TMEM132D: variants seen among roughly 807,000 people sequenced by gnomAD.
TMEM132D encodes the protein mature OL transmembrane protein.
A neutral mutation model predicts 62.3 loss-of-function variants in TMEM132D; 21 were observed. That is an observed-to-expected ratio of 0.34 (90% CI 0.24 to 0.49). TMEM132D has a LOEUF of 0.49. TMEM132D is among the 20% of genes least tolerant of loss of function. TMEM132D has a pLI of 0.99. For synonymous variants in TMEM132D, 621 were observed against 575.6 expected (o/e 1.08, Z -1.13); for missense variants, 1,346 against 1,402.8 (o/e 0.96, Z 0.65).
chr12:129,345,159 A>G (rs1293963317), intron 3 of TMEM132D, among the ~76,000 whole-genome samples: 1 of 151,954 alleles, frequency 6.6e-6, no homozygotes, highest in East Asian at 1.9e-4. Context: ...CTTATTCGAC[A>G]TTTTTGTTAA....
intron 2 of TMEM132D, among the ~76,000 whole-genome samples, chr12:129,694,881 G>A (rs1881160642): frequency 6.6e-6 from 1 of 152,166 alleles, no homozygotes; most frequent in African/African-American, 2.4e-5. Context: ...GGCGATGTGA[G>A]CCTTTAATCC....
At chr12:129,397,236 T>C (rs968679703) in intron 3 of TMEM132D, among the ~76,000 whole-genome samples, 2 of 152,202 alleles carry the variant, frequency 1.3e-5, no homozygotes, top group Non-Finnish European at 2.9e-5. Flanking sequence ...TCTCTTCAAA[T>C]GGTCTTTTGT....
In TMEM132D at chr12:129,371,602, C is replaced by A. The variant is rs896615443; in HGVS notation, c.1116-33785G>T. On this transcript the variant is annotated intron_variant, in intron 3 of 8. Coordinates refer to ENST00000422113, the MANE Select transcript of TMEM132D (RefSeq NM_133448.3). The surrounding 1 kb of genome is among the most constrained non-coding windows in gnomAD (Gnocchi z 4.3). ...GTGATGATAGTAACAATGATCATGGCAGATTGTGGTGATGATGATGGTGGT... is the reference window on the plus strand; with the variant it reads ...GTGATGATAGTAACAATGATCATGGAAGATTGTGGTGATGATGATGGTGGT... 2.0e-5 allele frequency among the ~76,000 whole-genome samples: 3 copies of A among 148,206 alleles called. No homozygotes were observed. The highest frequency in any genetic ancestry group is 3.0e-5 in the Non-Finnish European group (2 of 67,110).
chr12:129,787,187 C>A (rs557422540), intron 1 of TMEM132D, among the ~76,000 whole-genome samples: 24 of 152,310 alleles, frequency 1.6e-4, no homozygotes, highest in Non-Finnish European at 3.2e-4. Flanking sequence ...GAAATTCCTT[C>A]ATTTATTCTG....
intron 3 of TMEM132D, among the ~76,000 whole-genome samples, chr12:129,398,753 T>C (rs1370840557): frequency 1.3e-5 from 2 of 152,128 alleles, no homozygotes; most frequent in Non-Finnish European, 2.9e-5. Flanking sequence ...AAGCTTTAAT[T>C]ATGAAAAAAT....
chr12:129,744,094 T>C (rs1241436211), intron 1 of TMEM132D, among the ~76,000 whole-genome samples: 1 of 152,204 alleles, frequency 6.6e-6, no homozygotes, highest in African/African-American at 2.4e-5. Flanking sequence ...CCACTAACTG[T>C]GTGGATAAGT....
chr12:129,416,035 C>A (rs576412067), intron 3 of TMEM132D, among the ~76,000 whole-genome samples: 3 of 152,128 alleles, frequency 2.0e-5, no homozygotes, highest in Non-Finnish European at 4.4e-5. Flanking sequence ...GAGAATGAGG[C>A]CTTATTTGAA....
chr12:129,363,539 G>C (rs371862829), intron 3 of TMEM132D, among the ~76,000 whole-genome samples: 4 of 152,226 alleles, frequency 2.6e-5, no homozygotes, highest in East Asian at 3.9e-4. Context: ...GTGCTGAGAG[G>C]CTCAGATGTT....
intron 1 of TMEM132D, among the ~76,000 whole-genome samples, chr12:129,844,677 G>A (rs1219081292): frequency 6.6e-6 from 1 of 152,188 alleles, no homozygotes; most frequent in Non-Finnish European, 1.5e-5. Flanking sequence ...GCAGGTGTCT[G>A]AAGGCCACAG....
chr12:129,601,378 G>A (rs1040934490), intron 2 of TMEM132D, among the ~76,000 whole-genome samples: 27 of 152,204 alleles, frequency 1.8e-4, no homozygotes, highest in African/African-American at 6.0e-4. Flanking sequence ...TCAGCAAGAA[G>A]GTTGTTTCAC....
intron 5 of TMEM132D, among the ~76,000 whole-genome samples, chr12:129,104,436 A>T (rs1324374037): frequency 6.6e-6 from 1 of 152,184 alleles, no homozygotes; most frequent in Non-Finnish European, 1.5e-5. Flanking sequence ...AACCATAAAA[A>T]CCCTAGAAGA....
chr12:129,807,398 T>C (rs943412354), intron 1 of TMEM132D, among the ~76,000 whole-genome samples: 1 of 152,176 alleles, frequency 6.6e-6, no homozygotes, highest in African/African-American at 2.4e-5. Flanking sequence ...GAGGCCACAA[T>C]GCTCTTCAGT....
chr12:129,514,160 T>C (rs985758726), intron 3 of TMEM132D, among the ~76,000 whole-genome samples: 3 of 152,148 alleles, frequency 2.0e-5, no homozygotes, highest in African/African-American at 4.8e-5. Context: ...AATTTTAATA[T>C]GAATTTTGAT....
rs575055802 is a variant in TMEM132D at position 129,074,248 on chromosome 12, T to C, written c.2927A>G (p.Asn976Ser). Residue 976 changes from asparagine to serine, a missense_variant, in exon 9 of 9, where the codon AAT (asparagine) becomes AGT (serine). Asn to Ser is a conservative substitution (Grantham distance 46, BLOSUM62 1). Transcript: ENST00000422113. ...GLSNRTELLE[N>S]HINFASSQDE... is the part of the protein sequence containing the mutation. ...TTGCGAGGAGGCAAAGTTGATGTGA[T>C]TCTCCAACAGCTCTGTCCGGTTGCT... is the stretch of plus-strand genomic sequence containing the variant. 1.2e-6 allele frequency: 2 copies of C among 1,614,158 alleles called. No individual in the cohort carries two copies. The highest frequency in any genetic ancestry group is 1.6e-4 in the Middle Eastern group (1 of 6,062).
At chr12:129,513,682 T>C (rs1179482952) in intron 3 of TMEM132D, among the ~76,000 whole-genome samples, 1 of 151,128 alleles carries the variant, frequency 6.6e-6, no homozygotes, top group Non-Finnish European at 1.5e-5. Flanking sequence ...AGACGGGGTT[T>C]CACCGTGTCA....
At chr12:129,762,725 C>A (rs1419646390) in intron 1 of TMEM132D, among the ~76,000 whole-genome samples, 1 of 152,116 alleles carries the variant, frequency 6.6e-6, no homozygotes, top group African/African-American at 2.4e-5. Context: ...AGCCTTTAAA[C>A]ATATATTGTA....
intron 3 of TMEM132D, among the ~76,000 whole-genome samples, chr12:129,356,842 G>A (rs140644368): frequency 0.079 from 11,859 of 149,678 alleles, 555 homozygotes; most frequent in African/African-American, 0.13. Flanking sequence ...TCCAGCCTGG[G>A]TGAAAGAGTG....
At chr12:129,670,454 C>T (rs1040473674) in intron 2 of TMEM132D, among the ~76,000 whole-genome samples, 4 of 152,068 alleles carry the variant, frequency 2.6e-5, no homozygotes, top group Admixed American at 6.6e-5. Context: ...TGGCACCACC[C>T]AGATGCATAA....
Position 129,845,860 on chromosome 12 carries a change from G to A in TMEM132D, c.79+57401C>T, listed in dbSNP as rs143690358. 9.2e-3 allele frequency among the ~76,000 whole-genome samples: 1,401 copies of A among 152,314 alleles called. 30 individuals are homozygous for A. The highest frequency in any genetic ancestry group is 0.031 in the African/African-American group (1,293 of 41,564). On this transcript the variant is annotated intron_variant, in intron 1 of 8. Coordinates refer to ENST00000422113, the MANE Select transcript of TMEM132D (RefSeq NM_133448.3). Reference sequence around the variant, plus strand: ...GCAGAGCAGGGCTGCTCCACAGGCCGTGCTCCCAGAGCAGCAACTCAGAGG... The same window carrying A: ...GCAGAGCAGGGCTGCTCCACAGGCCATGCTCCCAGAGCAGCAACTCAGAGG...
Sources: gnomAD v4.1 joint callset for allele counts (sites outside exome capture counted in the v4.1 genomes callset) on GRCh38, gnomAD v4.1.1 for gene constraint, Gnocchi (gnomAD v3.1) non-coding constraint, MANE v1.5 for transcripts, NCBI Gene and HGNC (gene_info 2026-07-23, HGNC 2026-07-21) for gene names.